The following ARL14EPL variants were observed in gnomAD, a reference collection of about 807,000 sequenced individuals.
ARL14EPL encodes the protein ARL14 effector protein-like.
In ARL14EPL, 17 loss-of-function variants were observed where a neutral mutation model predicts 15.9. The ratio of observed to expected loss-of-function variants is 1.07; its 90% CI spans 0.73 to 1.60. ARL14EPL has a LOEUF of 1.60. Among genes scored for constraint, ARL14EPL ranks in the 40% most tolerant of loss-of-function variants. The probability of loss-of-function intolerance (pLI) is 0.00; values close to 1 mark genes in which losing one functional copy is unlikely to be tolerated. For missense variants in ARL14EPL, 214 were observed against 185.9 expected (o/e 1.15, Z -0.88); for synonymous variants, 78 against 63.8 (o/e 1.22, Z -1.06).
chr5:116,051,262 G>T (rs1426286141), intron 1 of ARL14EPL, 195 bp from the exon 2 acceptor site: 1 of 478,954 alleles, frequency 2.1e-6, no homozygotes, highest in Non-Finnish European at 3.7e-6. Flanking sequence ...CGGCAGAGGA[G>T]AGCCTCAGTA....
intron 1 of ARL14EPL, among the ~76,000 whole-genome samples, chr5:116,039,263 A>G (rs73263196): frequency 0.043 from 6,524 of 152,252 alleles, 354 homozygotes; most frequent in African/African-American, 0.13. Context: ...CCCTCCTCCT[A>G]TCATCCTTCA....
Position 116,059,010 on chromosome 5 carries a change from T to C in ARL14EPL, c.*63T>C, listed in dbSNP as rs1561582868. The stretch of plus-strand genomic sequence containing the variant: ...ACACATTTAAGTTGACCTCTTTCTT[T>C]TGGGTGAATTTTAGGGCTTGGGGGA... On this transcript the variant is annotated 3_prime_UTR_variant, in exon 4 of 4. Transcript: ENST00000686077. 1.4e-6 allele frequency: 2 copies of C among 1,464,078 alleles called. No homozygotes were observed. The highest frequency in any genetic ancestry group is 9.2e-7 in the Non-Finnish European group (1 of 1,084,454). 90.7% of individuals were successfully genotyped at this position (1,464,078 alleles called of 1,614,324 possible).
At position 116,032,964 on chromosome 5, in the gene ARL14EPL, A is replaced by AT. The variant is rs570990503; in HGVS notation, c.-10+465dup. 5.6e-3 allele frequency among the ~76,000 whole-genome samples: 853 copies of AT among 151,948 alleles called. 4 individuals carry two copies. The highest frequency in any genetic ancestry group is 9.4e-3 in the Non-Finnish European group (638 of 67,952). ...AGGTGTGCACCACCATGCCTGGACA[A>AT]TTTTTTGTATTTTTAGTTGAGATGG... is the stretch of plus-strand genomic sequence containing the variant. On this transcript the variant is annotated intron_variant, in intron 1 of 3. Transcript: ENST00000686077.
chr5:116,057,379 A>T (rs1749544245), intron 3 of ARL14EPL, among the ~76,000 whole-genome samples: 1 of 151,330 alleles, frequency 6.6e-6, no homozygotes, highest in Admixed American at 6.6e-5. Context: ...CATGTAGTGT[A>T]TATATTTTGC....
At chr5:116,055,512 G>T (rs925382312) in intron 3 of ARL14EPL, among the ~76,000 whole-genome samples, 1 of 152,022 alleles carries the variant, frequency 6.6e-6, no homozygotes, top group Non-Finnish European at 1.5e-5. Context: ...GTACCATCAT[G>T]GAAGAATCTC....
At chr5:116,055,880 G>C (rs1351414706) in intron 3 of ARL14EPL, among the ~76,000 whole-genome samples, 1 of 151,882 alleles carries the variant, frequency 6.6e-6, no homozygotes, top group African/African-American at 2.4e-5. Flanking sequence ...TCTCATCTGT[G>C]AGTGAGAACA....
intron 1 of ARL14EPL, among the ~76,000 whole-genome samples, chr5:116,040,142 G>C (rs979677422): frequency 5.9e-5 from 9 of 152,024 alleles, no homozygotes; most frequent in African/African-American, 1.4e-4. Flanking sequence ...GAAGATCTTT[G>C]TCTTTCCTTA....
chr5:116,042,415 T>C (rs1326279134), intron 1 of ARL14EPL, among the ~76,000 whole-genome samples: 1 of 152,216 alleles, frequency 6.6e-6, no homozygotes, highest in Non-Finnish European at 1.5e-5. Flanking sequence ...CTACTGGTCC[T>C]GGCTCAGGTC....
Position 116,058,737 on chromosome 5 carries a change from G to T in ARL14EPL, c.249G>T (p.Lys83Asn). The change falls in exon 4 of 4, where the codon AAG becomes AAT. Residue 83 changes from lysine (K) to asparagine (N), a missense_variant. Lys to Asn is a moderately conservative substitution (Grantham distance 94, BLOSUM62 0). Coordinates refer to ENST00000686077, the MANE Select transcript of ARL14EPL (RefSeq NM_001195581.2). ...YFSTKYKIMR[K>N]YDKSGRLICN... ...TTTTCCTTTGTAGAATAATGAGGAA[G>T]TATGACAAAAGTGGCAGGCTCATCT... 6.5e-7 allele frequency: 1 copy of T among 1,535,056 alleles called. No individual in the cohort carries two copies. Among genetic ancestry groups the T allele is most frequent in the African/African-American group, 1.4e-5 (1 of 73,132 alleles).
intron 3 of ARL14EPL, among the ~76,000 whole-genome samples, chr5:116,058,113 C>T (rs1209143248): frequency 6.6e-6 from 1 of 152,182 alleles, no homozygotes; most frequent in African/African-American, 2.4e-5. Flanking sequence ...TATGATCCTC[C>T]AGTCTTGGTC....
In ARL14EPL at chr5:116,055,725, G is replaced by A. The variant is rs185808119; in HGVS notation, c.236+1572G>A. On this transcript the variant is annotated intron_variant, in intron 3 of 3. Coordinates refer to ENST00000686077, the MANE Select transcript of ARL14EPL (RefSeq NM_001195581.2). The stretch of plus-strand genomic sequence containing the variant: ...AGGTTTGTTACACATGTATACATGT[G>A]CCATGTTGGTGTACTGCACCCATTA... Among the ~76,000 whole-genome samples, 1,133 of 152,022 alleles carry A rather than the reference G, an allele frequency of 7.5e-3. 13 individuals carry two copies. The highest frequency in any genetic ancestry group is 0.026 in the African/African-American group (1,096 of 41,438).
At chr5:116,053,941 G>T in intron 2 of ARL14EPL, 73 bp from the exon 3 acceptor site, 1 of 1,333,144 alleles carries the variant, frequency 7.5e-7, no homozygotes, top group Non-Finnish European at 1.0e-6. Flanking sequence ...GTTACAGAAA[G>T]TTCATTTTGG....
intron 1 of ARL14EPL, among the ~76,000 whole-genome samples, chr5:116,043,578 C>G (rs1485693754): frequency 2.6e-5 from 4 of 151,900 alleles, no homozygotes; most frequent in African/African-American, 9.7e-5. Flanking sequence ...TTAGTTAAAC[C>G]ATTATTTCAA....
Position 116,051,479 on chromosome 5 carries a change from CA to C in ARL14EPL, c.15del (p.Glu6ArgfsTer30), listed in dbSNP as rs1561579793. The C allele has an allele frequency of 6.5e-7, 1 of 1,533,962 alleles. No homozygotes were observed. The highest frequency in any genetic ancestry group is 8.7e-7 in the Non-Finnish European group (1 of 1,145,236). On this transcript the variant is annotated frameshift_variant, in exon 2 of 4. Transcript: ENST00000686077. LOFTEE classifies it high-confidence loss of function. ...AAGTGATCAGAGATGAATGAACAATCAGAGAAAAACAATTCCATTCAAGAGA... is the reference window on the plus strand; with the variant it reads ...AAGTGATCAGAGATGAATGAACAATCGAGAAAAACAATTCCATTCAAGAGA... MNEQ[S>X]EKNNSIQERH...
intron 1 of ARL14EPL, among the ~76,000 whole-genome samples, chr5:116,040,155 A>G (rs1749122283): frequency 6.6e-6 from 1 of 152,130 alleles, no homozygotes; most frequent in South Asian, 2.1e-4. Flanking sequence ...TTTCCTTAGA[A>G]TAAATTTCCC....
At chr5:116,052,526 C>T (rs1580416566) in intron 2 of ARL14EPL, among the ~76,000 whole-genome samples, 2 of 152,332 alleles carry the variant, frequency 1.3e-5, no homozygotes, top group Admixed American at 6.5e-5. Flanking sequence ...ACCACTAGTA[C>T]GTGGCAGAGC....
chr5:116,056,270 TAA>T (rs746681880), intron 3 of ARL14EPL, among the ~76,000 whole-genome samples: 8 of 152,144 alleles, frequency 5.3e-5, no homozygotes, highest in Non-Finnish European at 1.0e-4. Flanking sequence ...ACCAACAGTG[TAA>T]AAGTGTTCCT....
At chr5:116,054,998 C>A (rs1454287303) in intron 3 of ARL14EPL, among the ~76,000 whole-genome samples, 1 of 151,944 alleles carries the variant, frequency 6.6e-6, no homozygotes, top group African/African-American at 2.4e-5. Context: ...CATAAAAAAT[C>A]AGTATCCAAA....
rs115420758 is a variant in ARL14EPL, at chr5:116,038,194, A to G, written c.-10+5689A>G. On this transcript the variant is annotated intron_variant, in intron 1 of 3. Coordinates refer to ENST00000686077, the MANE Select transcript of ARL14EPL (RefSeq NM_001195581.2). Reference sequence around the variant, plus strand: ...CCATTGATCCTTTCTATTAGTGGGTATGCATGAGTACCAATGTCCTAGTTG... The same window carrying G: ...CCATTGATCCTTTCTATTAGTGGGTGTGCATGAGTACCAATGTCCTAGTTG... Among the ~76,000 whole-genome samples, 469 of 152,334 alleles carry G rather than the reference A, an allele frequency of 3.1e-3. 1 individual carries two copies. The highest frequency in any genetic ancestry group is 0.011 in the African/African-American group (444 of 41,564).
Sources: gnomAD v4.1 joint callset for allele counts (sites outside exome capture counted in the v4.1 genomes callset) on GRCh38, gnomAD v4.1.1 for gene constraint, MANE v1.5 for transcripts, NCBI Gene and HGNC (gene_info 2026-07-23, HGNC 2026-07-21) for gene names.